RBM20: variants seen among roughly 807,000 people sequenced by gnomAD.
The protein encoded by RBM20 is RNA binding motif protein 20, also known as RNA-binding protein 20.
A neutral mutation model predicts 110.1 loss-of-function variants in RBM20; 51 were observed. The ratio of observed to expected loss-of-function variants is 0.46; its 90% CI spans 0.37 to 0.59. The LOEUF is 0.59. Among genes scored for constraint, RBM20 ranks in the 20% least tolerant of loss-of-function variants. The pLI is 0.00. For missense variants in RBM20, 1,512 were observed against 1,574.9 expected (o/e 0.96, Z 0.68); for synonymous variants, 589 against 618.2 (o/e 0.95, Z 0.70).
At chr10:110,805,458 T>C (rs1020240286) in intron 7 of RBM20, among the ~76,000 whole-genome samples, 2 of 152,182 alleles carry the variant, frequency 1.3e-5, no homozygotes, top group African/African-American at 4.8e-5. Context: ...ACTCTTGAAG[T>C]GTGTAAAACA....
Position 110,781,566 on chromosome 10 carries a change from G to A in RBM20, c.957G>A (p.Trp319Ter). Reference protein sequence around the residue: ...GPLLQGTNSQWESPHGFSGQS... With the variant: ...GPLLQGTNSQ ...TGCTGCAGGGCACAAACAGCCAATG[G>A]GAGAGCCCCCATGGATTCTCGGGCC... is the stretch of plus-strand genomic sequence containing the variant. The change falls in exon 2 of 14, where the codon TGG becomes TGA. Residue 319 changes from tryptophan (W) to a stop codon, truncating the protein, a stop_gained. Coordinates refer to ENST00000369519, the MANE Select transcript of RBM20 (RefSeq NM_001134363.3). LOFTEE classifies it high-confidence loss of function. The A allele has an allele frequency of 6.4e-7, 1 of 1,551,710 alleles. No homozygotes were observed. The highest frequency in any genetic ancestry group is 8.7e-7 in the Non-Finnish European group (1 of 1,147,002).
upstream of RBM20, among the ~76,000 whole-genome samples, chr10:110,644,103 G>A (rs908012813): frequency 5.9e-5 from 9 of 152,168 alleles, no homozygotes; most frequent in Non-Finnish European, 1.0e-4. This position sits in a 1 kb window ranked among gnomAD's most constrained non-coding sequence, Gnocchi z 4.3. Flanking sequence ...AGGGTGCACT[G>A]TGGCGGGTGG....
At position 110,758,157 on chromosome 10, in the gene RBM20, T is replaced by C. The variant is rs539898906; in HGVS notation, c.192-22644T>C. Among the ~76,000 whole-genome samples the C allele has an allele frequency of 4.6e-5, 7 of 151,226 alleles. No homozygotes were observed. In the South Asian group the frequency reaches 1.5e-3, roughly 32 times the overall value. ...TCTCAGCCTCCCAAGTAGCTGGGAC[T>C]AGAGGTGTGCACCACCACACCTGGC... On this transcript the variant is annotated intron_variant, in intron 1 of 13. Coordinates refer to ENST00000369519, the MANE Select transcript of RBM20 (RefSeq NM_001134363.3).
chr10:110,738,806 A>T (rs1315861664), intron 1 of RBM20, among the ~76,000 whole-genome samples: 1 of 151,884 alleles, frequency 6.6e-6, no homozygotes, highest in Non-Finnish European at 1.5e-5. Flanking sequence ...GGGAATGGGG[A>T]TAGAGGAGGT....
At chr10:110,710,058 A>T (rs1862901495) in intron 1 of RBM20, among the ~76,000 whole-genome samples, 1 of 152,130 alleles carries the variant, frequency 6.6e-6, no homozygotes, top group Admixed American at 6.5e-5. Context: ...TTCACCTAGT[A>T]TTTCATATGA....
At chr10:110,828,337 G>A (rs1353409310) in intron 12 of RBM20, among the ~76,000 whole-genome samples, 1 of 152,186 alleles carries the variant, frequency 6.6e-6, no homozygotes, top group Non-Finnish European at 1.5e-5. Flanking sequence ...GGGATATGTG[G>A]TGTCTGCAGC....
chr10:110,665,396 C>T (rs1310728326), intron 1 of RBM20, among the ~76,000 whole-genome samples: 4 of 123,754 alleles, frequency 3.2e-5, no homozygotes. Context: ...GATTTAACTA[C>T]CAGTTTATAG....
intron 1 of RBM20, among the ~76,000 whole-genome samples, chr10:110,713,887 A>G (rs1862976727): frequency 6.6e-6 from 1 of 152,160 alleles, no homozygotes; most frequent in Admixed American, 6.5e-5. Flanking sequence ...ACTAAGGACT[A>G]CGTTTTTGGG....
intron 7 of RBM20, among the ~76,000 whole-genome samples, chr10:110,805,265 A>G (rs1844680145): frequency 6.6e-6 from 1 of 152,156 alleles, no homozygotes; most frequent in Non-Finnish European, 1.5e-5. Context: ...AGAGATTCCT[A>G]AACAAGGCCT....
intron 1 of RBM20, among the ~76,000 whole-genome samples, chr10:110,715,508 A>C (rs1863002090): frequency 6.6e-6 from 1 of 152,228 alleles, no homozygotes; most frequent in Non-Finnish European, 1.5e-5. Context: ...TACATATCTT[A>C]GCCCTCCACT....
intron 1 of RBM20, among the ~76,000 whole-genome samples, chr10:110,708,232 C>A (rs1862870434): frequency 6.6e-6 from 1 of 152,164 alleles, no homozygotes; most frequent in African/African-American, 2.4e-5. Flanking sequence ...AAGGGCCCCA[C>A]ATTTTCATTT....
At chr10:110,789,703 G>C (rs1844461322) in intron 5 of RBM20, among the ~76,000 whole-genome samples, 2 of 152,162 alleles carry the variant, frequency 1.3e-5, no homozygotes, top group African/African-American at 4.8e-5. Context: ...TGCACTGACA[G>C]TTGTATGCTG....
intron 13 of RBM20, among the ~76,000 whole-genome samples, chr10:110,832,364 G>C (rs1234649255): frequency 6.6e-6 from 1 of 152,180 alleles, no homozygotes; most frequent in African/African-American, 2.4e-5. Context: ...TTGTTTAAAA[G>C]TGACTGATCT....
intron 1 of RBM20, among the ~76,000 whole-genome samples, chr10:110,699,242 A>T (rs201330350): frequency 1.0e-5 from 1 of 99,284 alleles, no homozygotes; most frequent in Non-Finnish European, 2.4e-5. Context: ...GGGCATCTTT[A>T]AAAAAAAAAA....
intron 1 of RBM20, among the ~76,000 whole-genome samples, chr10:110,657,173 C>T (rs563435674): frequency 2.6e-5 from 4 of 152,130 alleles, no homozygotes; most frequent in South Asian, 2.1e-4. Flanking sequence ...CATGCCACCA[C>T]GCCTGGCTAA....
intron 1 of RBM20, among the ~76,000 whole-genome samples, chr10:110,689,359 C>A (rs905979183): frequency 4.6e-5 from 7 of 152,154 alleles, no homozygotes; most frequent in Admixed American, 2.6e-4. Flanking sequence ...ACAGACATAG[C>A]AAGTAAACAC....
At chr10:110,696,814 T>G (rs1273403263) in intron 1 of RBM20, among the ~76,000 whole-genome samples, 1 of 152,206 alleles carries the variant, frequency 6.6e-6, no homozygotes, top group East Asian at 1.9e-4. Flanking sequence ...CCTTTTTTGC[T>G]TTTTATGTTA....
At chr10:110,727,808 C>G (rs1050470505) in intron 1 of RBM20, among the ~76,000 whole-genome samples, 11 of 152,124 alleles carry the variant, frequency 7.2e-5, no homozygotes, top group Admixed American at 1.3e-4. Context: ...CCTTGTCCCC[C>G]ATCCCTCAAC....
chr10:110,735,743 C>G (rs1590644292), intron 1 of RBM20, among the ~76,000 whole-genome samples: 1 of 152,268 alleles, frequency 6.6e-6, no homozygotes, highest in Middle Eastern at 3.4e-3. Context: ...AGGTTTTATG[C>G]CTTCTAGTTA....
Sources: gnomAD v4.1 joint callset for allele counts (sites outside exome capture counted in the v4.1 genomes callset) on GRCh38, gnomAD v4.1.1 for gene constraint, Gnocchi (gnomAD v3.1) non-coding constraint, MANE v1.5 for transcripts, NCBI Gene and HGNC (gene_info 2026-07-23, HGNC 2026-07-21) for gene names.